The following KIDINS220 variants were observed in gnomAD, a reference collection of about 807,000 sequenced individuals.
KIDINS220 encodes kinase D-interacting substrate of 220 kDa.
In KIDINS220, 63 loss-of-function variants were observed where a neutral mutation model predicts 157.6. The ratio of observed to expected loss-of-function variants is 0.40; its 90% CI spans 0.33 to 0.49. The LOEUF (loss-of-function observed/expected upper bound fraction) is 0.49. Ranked by LOEUF, KIDINS220 falls within the 20% of genes least tolerant of loss-of-function variation. The probability of loss-of-function intolerance (pLI) is 0.66; values close to 1 mark genes in which losing one functional copy is unlikely to be tolerated. For synonymous variants in KIDINS220, 732 were observed against 783.6 expected, an observed-to-expected ratio of 0.93 and a Z score of 1.10; for missense variants, 1,772 against 2,171.2, an observed-to-expected ratio of 0.82 and a Z score of 3.65.
At chr2:8,748,025 A>G in intron 24 of KIDINS220, 25 bp from the exon 25 acceptor site, 4 of 1,354,780 alleles carry the variant, frequency 3.0e-6, no homozygotes, top group South Asian at 1.4e-5. Flanking sequence ...GTAACAAAAA[A>G]GGGGTAAACA....
chr2:8,740,569 CTTAG>C (rs1422789577), intron 26 of KIDINS220, among the ~76,000 whole-genome samples: 2 of 152,096 alleles, frequency 1.3e-5, no homozygotes, highest in African/African-American at 2.4e-5. Flanking sequence ...AATAAGAAGG[CTTAG>C]TTACTTAGAC....
intron 22 of KIDINS220, among the ~76,000 whole-genome samples, chr2:8,753,216 C>T (rs753512739): frequency 5.7e-4 from 86 of 151,438 alleles, no homozygotes; most frequent in Non-Finnish European, 9.4e-4. Context: ...CAACGGAATA[C>T]TACTCAGCCA....
At chr2:8,766,829 A>G (rs1404810881) in intron 22 of KIDINS220, among the ~76,000 whole-genome samples, 1 of 152,260 alleles carries the variant, frequency 6.6e-6, no homozygotes, top group Non-Finnish European at 1.5e-5. Flanking sequence ...GGCATGATTT[A>G]AAGATACATC....
chr2:8,803,021 T>C lies in KIDINS220; in HGVS notation c.710A>G (p.Asn237Ser). The C allele has an allele frequency of 6.2e-7, 1 of 1,613,784 alleles. No homozygotes were observed. Among genetic ancestry groups the C allele is most frequent in the Admixed American group, 1.7e-5 (1 of 59,996 alleles). ...PNVNLTDKDG[N>S]TALMIASKEG... ...CTTTGATGCAATCATCAAAGCTGTA[T>C]TTCCATCTTTATCTGTTAAGTTTAC... Residue 237 changes from asparagine (N) to serine (S), a missense_variant, in exon 8 of 30, where the codon AAT (asparagine) becomes AGT (serine). Physicochemically the swap from Asn to Ser is conservative, Grantham distance 46. Around this residue, in one of 3 missense-constraint regions of KIDINS220, gnomAD observed 725 missense variants for 1,017.1 expected, o/e 0.71. Transcript: ENST00000256707.
chr2:8,778,534 C>T (rs534201124), intron 20 of KIDINS220, 105 bp downstream of exon 20: 42 of 813,826 alleles, frequency 5.2e-5, no homozygotes, highest in Non-Finnish European at 4.9e-5. Context: ...TTATTTGAAG[C>T]GTTTAATGCA....
chr2:8,757,852 G>C, intron 22 of KIDINS220: 2 of 1,356,006 alleles, frequency 1.5e-6, no homozygotes, highest in South Asian at 1.2e-5. Context: ...TTGGAATTCT[G>C]TATGTTTTCT....
intron 19 of KIDINS220, 77 bp from the exon 20 acceptor site, chr2:8,778,804 C>T: frequency 5.0e-6 from 8 of 1,592,486 alleles, no homozygotes; most frequent in African/African-American, 1.3e-5. Flanking sequence ...TGTGAAACAA[C>T]AACAATATTT....
chr2:8,785,828 C>T lies in KIDINS220; in HGVS notation c.2142G>A (p.Val714=). The stretch of plus-strand genomic sequence containing the variant: ...TTTGGGAATTCAGGAGCGAGTCCAG[C>T]ACTTGCCACCATGTACGACAGTTCA... ...FVLNCRTWWQ[V]LDSLLNSQRK... is the part of the protein sequence containing the mutation. Residue 714 remains valine (V), a synonymous_variant, in exon 17 of 30, where the codon GTG becomes GTA. Coordinates refer to ENST00000256707, the MANE Select transcript of KIDINS220 (RefSeq NM_020738.4). The T allele has an allele frequency of 6.2e-7, 1 of 1,614,172 alleles. No individual in the cohort carries two copies. The highest frequency in any genetic ancestry group is 8.5e-7 in the Non-Finnish European group (1 of 1,180,010).
chr2:8,745,999 T>A (rs944378982), intron 26 of KIDINS220, among the ~76,000 whole-genome samples: 2 of 152,210 alleles, frequency 1.3e-5, no homozygotes, highest in South Asian at 2.1e-4. Context: ...GGTTCTTTTT[T>A]TTTTTTTTGA....
At chr2:8,830,657 G>A (rs1229649697) in intron 1 of KIDINS220, among the ~76,000 whole-genome samples, 1 of 152,128 alleles carries the variant, frequency 6.6e-6, no homozygotes, top group Non-Finnish European at 1.5e-5. Context: ...GGGCTCAAGT[G>A]ATGCGCCTGC....
chr2:8,808,849 A>C (rs1675881106), intron 6 of KIDINS220, among the ~76,000 whole-genome samples: 1 of 152,200 alleles, frequency 6.6e-6, no homozygotes, highest in African/African-American at 2.4e-5. Flanking sequence ...CTACCCTCTG[A>C]AGATAATCAC....
At chr2:8,820,030 A>G (rs1373484097) in intron 2 of KIDINS220, among the ~76,000 whole-genome samples, 1 of 152,162 alleles carries the variant, frequency 6.6e-6, no homozygotes, top group African/African-American at 2.4e-5. Context: ...CCCACCTGAC[A>G]TTATTCCTCT....
downstream of KIDINS220, among the ~76,000 whole-genome samples, chr2:8,726,566 T>C (rs1663338241): frequency 6.6e-6 from 1 of 152,210 alleles, no homozygotes; most frequent in Admixed American, 6.5e-5. Flanking sequence ...GGGTACATTC[T>C]GAGAAATGCG....
At chr2:8,821,689 T>C (rs1229580379) in intron 2 of KIDINS220, among the ~76,000 whole-genome samples, 7 of 152,216 alleles carry the variant, frequency 4.6e-5, no homozygotes, top group Non-Finnish European at 4.4e-5. Context: ...AAAGCAATTC[T>C]TAACTGATGC....
chr2:8,744,391 ATATAT>A (rs1666213032), intron 26 of KIDINS220, among the ~76,000 whole-genome samples: 1 of 27,284 alleles, frequency 3.7e-5, no homozygotes. Flanking sequence ...AAAAAAAAAT[ATATAT>A]ATATAATATA....
At chr2:8,751,376 T>G (rs1439612269) in intron 23 of KIDINS220, 90 bp downstream of exon 23, 5 of 1,136,994 alleles carry the variant, frequency 4.4e-6, no homozygotes, top group Non-Finnish European at 5.1e-6. Context: ...TGGTTTTTCA[T>G]AGAGCAGGAG....
chr2:8,800,512 A>T lies in KIDINS220; in HGVS notation c.802-14T>A, dbSNP rs779863216. ...AGTATCCCCACTCTAAGAAGACAGA[A>T]AATAAAAACAAAAACAAGGTAAATT... On this transcript the variant is annotated splice_polypyrimidine_tract_variant and intron_variant, in intron 8 of 29. Coordinates refer to ENST00000256707, the MANE Select transcript of KIDINS220 (RefSeq NM_020738.4). 11 of 1,548,508 alleles carry T rather than the reference A, an allele frequency of 7.1e-6. No individual in the cohort carries two copies. Among genetic ancestry groups the T allele is most frequent in the Non-Finnish European group, 7.9e-6 (9 of 1,132,610 alleles).
Position 8,729,883 on chromosome 2 carries a change from T to C in KIDINS220, c.*837A>G. 1.0e-6 allele frequency: 1 copy of C among 985,152 alleles called. No individual in the cohort carries two copies. Among genetic ancestry groups the C allele is most frequent in the Non-Finnish European group, 1.2e-6 (1 of 829,722 alleles). The allele number at this position is 985,152 out of a possible 1,614,324, so 61.0% of individuals were successfully genotyped here. On this transcript the variant is annotated 3_prime_UTR_variant, in exon 30 of 30. Coordinates refer to ENST00000256707, the MANE Select transcript of KIDINS220 (RefSeq NM_020738.4). ...TCTCCCTGATTTTCCAGAAAAAGAATTCATGTTTTTTTTTCTTCTCATTGC... is the reference window on the plus strand; with the variant it reads ...TCTCCCTGATTTTCCAGAAAAAGAACTCATGTTTTTTTTTCTTCTCATTGC...
At chr2:8,788,890 A>C in intron 14 of KIDINS220, 78 bp from the exon 15 acceptor site, 1 of 1,300,238 alleles carries the variant, frequency 7.7e-7, no homozygotes, top group Non-Finnish European at 1.1e-6. Context: ...TCAAGTATCA[A>C]GTAATGAGAG....
Sources: gnomAD v4.1 joint callset for allele counts (sites outside exome capture counted in the v4.1 genomes callset) on GRCh38, gnomAD v4.1.1 for gene constraint, gnomAD v4.1.1 regional missense constraint, MANE v1.5 for transcripts, NCBI Gene and HGNC (gene_info 2026-07-23, HGNC 2026-07-21) for gene names.